Variants in KCNIP4 observed in about 807,000 individuals in gnomAD.
The protein encoded by KCNIP4 is Kv channel-interacting protein 4.
In KCNIP4, 12 loss-of-function variants were observed where a neutral mutation model predicts 34.0. The observed-to-expected ratio is 0.35, with a 90% CI of 0.23 to 0.57. The LOEUF (loss-of-function observed/expected upper bound fraction) is 0.57. Ranked by LOEUF, KCNIP4 falls within the 20% of genes least tolerant of loss-of-function variation. The pLI is 0.83. For synonymous variants in KCNIP4, 124 were observed against 102.2 expected (o/e 1.21, Z -1.29); for missense variants, 238 against 311.7 (o/e 0.76, Z 1.78).
intron 1 of KCNIP4, among the ~76,000 whole-genome samples, chr4:21,261,005 C>T (rs1057190019): frequency 6.6e-6 from 1 of 152,120 alleles, no homozygotes; most frequent in Non-Finnish European, 1.5e-5. Flanking sequence ...TTCAGCTAAA[C>T]ATTTATATTA....
intron 1 of KCNIP4, among the ~76,000 whole-genome samples, chr4:21,105,649 G>A (rs1363527756): frequency 1.3e-5 from 2 of 151,594 alleles, no homozygotes; most frequent in African/African-American, 2.4e-5. Context: ...AGGAGTGGTG[G>A]GAGAGGGTAT....
At chr4:21,734,736 A>G (rs1463927134) in intron 1 of KCNIP4, among the ~76,000 whole-genome samples, 1 of 152,182 alleles carries the variant, frequency 6.6e-6, no homozygotes, top group African/African-American at 2.4e-5. Context: ...TCAAAAATAC[A>G]ACAGAATTTT....
At chr4:21,583,321 A>C (rs1741376794) in intron 1 of KCNIP4, among the ~76,000 whole-genome samples, 1 of 151,976 alleles carries the variant, frequency 6.6e-6, no homozygotes, top group African/African-American at 2.4e-5. Context: ...GGATTTAGGA[A>C]GTTATTTAGG....
intron 1 of KCNIP4, among the ~76,000 whole-genome samples, chr4:21,176,072 C>G (rs76861093): frequency 0.022 from 3,394 of 152,242 alleles, 144 homozygotes; most frequent in African/African-American, 0.077. Flanking sequence ...GAGGCAATTT[C>G]TTTTACACTG....
At position 21,827,102 on chromosome 4, in the gene KCNIP4, A is replaced by G. The variant is rs908764688; in HGVS notation, c.61+121469T>C. On this transcript the variant is annotated intron_variant, in intron 1 of 8. Transcript: ENST00000382152. ...AAAAGTAAACTTAACACTGCATCTT[A>G]AATAATAATACAATTGGTTGAATAC... is the stretch of plus-strand genomic sequence containing the variant. Among the ~76,000 whole-genome samples, 8 of 151,594 alleles carry G rather than the reference A, an allele frequency of 5.3e-5. No individual in the cohort carries two copies. The South Asian group carries it at 8.3e-4, about 16-fold the overall frequency.
chr4:21,283,080 C>T (rs1164797806), intron 1 of KCNIP4, among the ~76,000 whole-genome samples: 1 of 152,112 alleles, frequency 6.6e-6, no homozygotes, highest in Non-Finnish European at 1.5e-5. Context: ...AAAAACTAGA[C>T]ACAAAAGGCC....
At chr4:20,877,600 T>C (rs1724204113) in intron 2 of KCNIP4, among the ~76,000 whole-genome samples, 1 of 152,210 alleles carries the variant, frequency 6.6e-6, no homozygotes, top group Admixed American at 6.5e-5. Context: ...AGGCTATTAT[T>C]ATTACTACTA....
intron 1 of KCNIP4, among the ~76,000 whole-genome samples, chr4:20,922,543 GTCTGTCTATCTATCTATCTA>G (rs71181598): frequency 0.23 from 18,443 of 81,468 alleles, 1,234 homozygotes; most frequent in South Asian, 0.35. Context: ...CTGTCTGTCT[GTCTGTCTATCTATCTATCTA>G]TCTATCTATC....
chr4:21,770,069 C>T (rs1371448552), intron 1 of KCNIP4, among the ~76,000 whole-genome samples: 1 of 151,996 alleles, frequency 6.6e-6, no homozygotes, highest in South Asian at 2.1e-4. Flanking sequence ...TATTCATGTG[C>T]CATGGTGGTT....
At position 21,338,456 on chromosome 4, in the gene KCNIP4, G is replaced by A. The variant is rs897743814; in HGVS notation, c.62-455747C>T. Among the ~76,000 whole-genome samples, 5 of 149,366 alleles carry A rather than the reference G, an allele frequency of 3.3e-5. No homozygotes were observed. The South Asian group carries it at 1.1e-3, about 32-fold the overall frequency. On this transcript the variant is annotated intron_variant, in intron 1 of 8. Coordinates refer to ENST00000382152, the MANE Select transcript of KCNIP4 (RefSeq NM_025221.6). ...AATCAGGAATCTTTTAGTAAATGAT[G>A]TCTAGCCAGGCATACTGGCATGTTC...
intron 1 of KCNIP4, among the ~76,000 whole-genome samples, chr4:21,616,216 T>C (rs1252680311): frequency 6.6e-6 from 1 of 152,160 alleles, no homozygotes; most frequent in Non-Finnish European, 1.5e-5. Flanking sequence ...CTTCCTCTAA[T>C]GTTTTTCCAA....
intron 1 of KCNIP4, among the ~76,000 whole-genome samples, chr4:20,994,225 T>C (rs1387930699): frequency 6.6e-6 from 1 of 152,222 alleles, no homozygotes; most frequent in East Asian, 1.9e-4. Flanking sequence ...GTTTTTATTC[T>C]GCCTACTATA....
At chr4:21,289,293 C>T (rs1763297246) in intron 1 of KCNIP4, among the ~76,000 whole-genome samples, 1 of 151,950 alleles carries the variant, frequency 6.6e-6, no homozygotes, top group Non-Finnish European at 1.5e-5. Context: ...TTTTTGTTAC[C>T]AACATTCTAA....
chr4:21,028,771 G>A (rs1166194666), intron 1 of KCNIP4, among the ~76,000 whole-genome samples: 1 of 152,166 alleles, frequency 6.6e-6, no homozygotes, highest in East Asian at 1.9e-4. Context: ...TGCAAAAAGT[G>A]CAGGCATAGA....
At chr4:21,533,136 G>A in intron 1 of KCNIP4, among the ~76,000 whole-genome samples, 1 of 151,816 alleles carries the variant, frequency 6.6e-6, no homozygotes, top group East Asian at 1.9e-4. Flanking sequence ...AATTATTGAT[G>A]TTTAAAGTCT....
At chr4:21,518,378 C>T (rs1734945609) in intron 1 of KCNIP4, among the ~76,000 whole-genome samples, 1 of 152,134 alleles carries the variant, frequency 6.6e-6, no homozygotes, top group Non-Finnish European at 1.5e-5. Flanking sequence ...AAACCATTTG[C>T]ATTTTCTCTA....
At chr4:20,915,091 G>A (rs1378917384) in intron 1 of KCNIP4, among the ~76,000 whole-genome samples, 1 of 152,112 alleles carries the variant, frequency 6.6e-6, no homozygotes, top group South Asian at 2.1e-4. Flanking sequence ...CCAAATGACT[G>A]TTTTACTCAT....
At chr4:21,014,442 A>G (rs1414139499) in intron 1 of KCNIP4, among the ~76,000 whole-genome samples, 2 of 152,216 alleles carry the variant, frequency 1.3e-5, no homozygotes, top group African/African-American at 4.8e-5. Flanking sequence ...ATGGAAATGT[A>G]CCCCTATGCC....
intron 1 of KCNIP4, among the ~76,000 whole-genome samples, chr4:21,348,041 A>G (rs1200607083): frequency 6.6e-6 from 1 of 152,162 alleles, no homozygotes; most frequent in Non-Finnish European, 1.5e-5. Context: ...AAGACATGGG[A>G]GAAAATGCTT....
Sources: gnomAD v4.1 joint callset for allele counts (sites outside exome capture counted in the v4.1 genomes callset) on GRCh38, gnomAD v4.1.1 for gene constraint, MANE v1.5 for transcripts, NCBI Gene and HGNC (gene_info 2026-07-23, HGNC 2026-07-21) for gene names.